The following TTL variants were observed in gnomAD, a reference collection of about 807,000 sequenced individuals.
TTL encodes the protein tubulin tyrosine ligase, also known as tubulin--tyrosine ligase.
Under a neutral mutation model 41.1 loss-of-function variants are expected in TTL, and 10 were observed. The observed-to-expected ratio is 0.24, with a 90% CI of 0.15 to 0.41. The LOEUF is 0.41. Ranked by LOEUF, TTL falls within the 10% of genes least tolerant of loss-of-function variation. TTL has a pLI of 1.00. For synonymous variants in TTL, 175 were observed against 175.5 expected, an observed-to-expected ratio of 1.00 and a Z score of 0.02; for missense variants, 367 against 460.4, an observed-to-expected ratio of 0.80 and a Z score of 1.86.
chr2:112,516,111 T>A (rs1682062910), intron 5 of TTL, among the ~76,000 whole-genome samples: 1 of 152,242 alleles, frequency 6.6e-6, no homozygotes, highest in African/African-American at 2.4e-5. Context: ...TATGTTCAGC[T>A]TTTCCCAGTG....
rs1431237443 is a variant in TTL at position 112,520,302 on chromosome 2, A to G, written c.896A>G (p.Glu299Gly). The change falls in exon 6 of 7, where the codon GAG (glutamate) becomes GGG (glycine). Residue 299 changes from glutamate (E) to glycine (G), a missense_variant. Coordinates refer to ENST00000233336, the MANE Select transcript of TTL (RefSeq NM_153712.5). ...CATAGGAACTGCCTCCTGAGCGTGG[A>G]GCCTGCCATTAGCACCAAGCACCTC... ...HIIRNCLLSVEPAISTKHLPY... is the reference protein window; with the variant it reads ...HIIRNCLLSVGPAISTKHLPY... The G allele has an allele frequency of 1.2e-6, 2 of 1,614,000 alleles. No homozygotes were observed. Among genetic ancestry groups the G allele is most frequent in the Non-Finnish European group, 1.7e-6 (2 of 1,180,020 alleles).
At chr2:112,492,764 G>A (rs976876374) in intron 2 of TTL, among the ~76,000 whole-genome samples, 13 of 151,546 alleles carry the variant, frequency 8.6e-5, no homozygotes, top group African/African-American at 1.7e-4. Flanking sequence ...GGTCACGGGC[G>A]TCTGTAATCC....
intron 2 of TTL, among the ~76,000 whole-genome samples, chr2:112,490,241 C>A (rs1378741247): frequency 1.3e-5 from 2 of 152,070 alleles, no homozygotes; most frequent in African/African-American, 4.8e-5. Flanking sequence ...CATGGTGAAA[C>A]CCTGCCTCTT....
At chr2:112,520,146 A>G (rs1682181763) in intron 5 of TTL, 136 bp from the exon 6 acceptor site, 1 of 1,107,880 alleles carries the variant, frequency 9.0e-7, no homozygotes. Flanking sequence ...AAAAAAAAAA[A>G]AAAAGGAAAC....
rs554251679 is a variant in TTL, at chr2:112,502,925, G to A, written c.619G>A (p.Val207Met). ...GTTGAATTGCAGAAGCTGGGTCTTG[G>A]TGGATCATCAGTATAATATCTACCT... is the stretch of plus-strand genomic sequence containing the variant. ...RKFDIRSWVL[V>M]DHQYNIYLYR... The change falls in exon 5 of 7, where the codon GTG becomes ATG. Residue 207 changes from valine (V) to methionine (M), a missense_variant. Val to Met is a conservative substitution (Grantham distance 21, BLOSUM62 1). Transcript: ENST00000233336. The A allele has an allele frequency of 6.2e-7, 1 of 1,606,800 alleles. No homozygotes were observed. The highest frequency in any genetic ancestry group is 1.3e-5 in the African/African-American group (1 of 74,774).
chr2:112,519,507 T>C (rs1168857334), intron 5 of TTL, among the ~76,000 whole-genome samples: 2 of 152,062 alleles, frequency 1.3e-5, no homozygotes, highest in Non-Finnish European at 2.9e-5. Context: ...TTAGCAATAA[T>C]TTGCCATTGG....
rs148113756 is a variant in TTL at position 112,509,923 on chromosome 2, C to T, written c.875+6742C>T. On this transcript the variant is annotated intron_variant, in intron 5 of 6. Coordinates refer to ENST00000233336, the MANE Select transcript of TTL (RefSeq NM_153712.5). ...TGCTGGGATTACAGGCGTAAGCCACCATGCCTGGCTAATTTATATTTTCCC... is the reference window on the plus strand; with the variant it reads ...TGCTGGGATTACAGGCGTAAGCCACTATGCCTGGCTAATTTATATTTTCCC... Among the ~76,000 whole-genome samples the T allele has an allele frequency of 6.3e-3, 961 of 152,282 alleles. 6 individuals are homozygous for T. The highest frequency in any genetic ancestry group is 0.022 in the African/African-American group (917 of 41,566).
In TTL at chr2:112,529,069, C is replaced by G; in HGVS notation, c.*274C>G. ...CTTTGTGAGCAGAGCTCCTTCCCCTCTCCCCGGGAACGGCAGGGCACTGGG... is the reference window on the plus strand; with the variant it reads ...CTTTGTGAGCAGAGCTCCTTCCCCTGTCCCCGGGAACGGCAGGGCACTGGG... On this transcript the variant is annotated 3_prime_UTR_variant, in exon 7 of 7. Transcript: ENST00000233336. 2.0e-6 allele frequency: 1 copy of G among 496,142 alleles called. No individual in the cohort carries two copies. Among genetic ancestry groups the G allele is most frequent in the Non-Finnish European group, 3.7e-6 (1 of 272,744 alleles). The allele number at this position is 496,142 out of a possible 1,614,324, so 30.7% of individuals were successfully genotyped here. A position where few individuals can be genotyped will look rare whatever the true frequency, so the allele number is the denominator to read the frequency against.
chr2:112,494,106 T>C (rs763117495), intron 2 of TTL, 37 bp from the exon 3 acceptor site: 12 of 1,570,090 alleles, frequency 7.6e-6, no homozygotes, highest in Admixed American at 1.7e-5. Flanking sequence ...CAAAGTGCAC[T>C]AAGAAGGGAG....
At chr2:112,523,321 G>A (rs1233848127) in intron 6 of TTL, among the ~76,000 whole-genome samples, 1 of 147,680 alleles carries the variant, frequency 6.8e-6, no homozygotes, top group Non-Finnish European at 1.5e-5. Flanking sequence ...TAACTCATCA[G>A]AAGAAACTGT....
intron 5 of TTL, among the ~76,000 whole-genome samples, chr2:112,513,878 G>A (rs1681995757): frequency 6.6e-6 from 1 of 151,940 alleles, no homozygotes; most frequent in South Asian, 2.1e-4. Flanking sequence ...AAGGCAGAAG[G>A]GACACAGGGA....
In TTL at chr2:112,482,532, C is replaced by T. The variant is rs750644733; in HGVS notation, c.157+31C>T. ...CCCCTCCCCGATTCCCGTCTGCCCT[C>T]CTCGGAGCGGCCCTGCGCGCCTCCC... On this transcript the variant is annotated intron_variant, in intron 1 of 6. Coordinates refer to ENST00000233336, the MANE Select transcript of TTL (RefSeq NM_153712.5). This position sits in a 1 kb window ranked among gnomAD's most constrained non-coding sequence, Gnocchi z 5.3. The T allele has an allele frequency of 1.1e-5, 18 of 1,570,726 alleles. No individual in the cohort carries two copies. Among genetic ancestry groups the T allele is most frequent in the African/African-American group, 4.1e-5 (3 of 72,530 alleles).
chr2:112,494,003 A>T, intron 2 of TTL, 140 bp from the exon 3 acceptor site: 1 of 657,532 alleles, frequency 1.5e-6, no homozygotes, highest in Non-Finnish European at 2.6e-6. Context: ...GTCCAGGGAG[A>T]CTAAGAGCAA....
chr2:112,530,110 C>T lies in TTL; in HGVS notation c.*1315C>T, dbSNP rs1682470791. The T allele has an allele frequency of 8.7e-6, 2 of 229,778 alleles. No homozygotes were observed. The highest frequency in any genetic ancestry group is 1.7e-5 in the Non-Finnish European group (2 of 115,904). 14.2% of individuals were successfully genotyped at this position (229,778 alleles called of 1,614,324 possible). On this transcript the variant is annotated 3_prime_UTR_variant, in exon 7 of 7. Coordinates refer to ENST00000233336, the MANE Select transcript of TTL (RefSeq NM_153712.5). ...TTGAAAACTGCCCTCCCCACCAGAA[C>T]GTGCTACGTTCTTTCTTCATGCCTA...
intron 2 of TTL, among the ~76,000 whole-genome samples, chr2:112,490,447 A>G (rs1019204662): frequency 1.3e-5 from 2 of 151,990 alleles, no homozygotes; most frequent in Non-Finnish European, 2.9e-5. Context: ...CAAAAAGCAG[A>G]CCTAACACAA....
intron 6 of TTL, chr2:112,520,634 G>T: frequency 1.7e-6 from 1 of 580,014 alleles, no homozygotes; most frequent in Non-Finnish European, 2.9e-6. Flanking sequence ...GGCCCAGTGT[G>T]GTAGCTCATG....
intron 2 of TTL, among the ~76,000 whole-genome samples, chr2:112,490,667 G>C (rs1462353006): frequency 7.0e-6 from 1 of 142,932 alleles, no homozygotes; most frequent in Non-Finnish European, 1.5e-5. Flanking sequence ...CTGCCTCCCA[G>C]TTCAAGCGAT....
intron 2 of TTL, among the ~76,000 whole-genome samples, chr2:112,490,044 C>T (rs1681337707): frequency 6.6e-6 from 1 of 152,150 alleles, no homozygotes; most frequent in Non-Finnish European, 1.5e-5. Flanking sequence ...CTTCTGTTTC[C>T]ATGAACTGGA....
In TTL at chr2:112,482,492, G is replaced by A; in HGVS notation, c.148G>A (p.Gly50Arg). The change falls in exon 1 of 7, where the codon GGG becomes AGG. Residue 50 changes from glycine (G) to arginine (R), a missense_variant. Coordinates refer to ENST00000233336, the MANE Select transcript of TTL (RefSeq NM_153712.5). The surrounding 1 kb of genome is among the most constrained non-coding windows in gnomAD (Gnocchi z 5.3). The stretch of plus-strand genomic sequence containing the variant: ...GGGAGAGAGGAATCGGCTGCCCTTC[G>A]GGAGACTGGGTGAGCCCCTCCCCGA... ...MLGERNRLPF[G>R]RLGHEPGLVQ... The A allele has an allele frequency of 6.2e-7, 1 of 1,605,316 alleles. No homozygotes were observed. The highest frequency in any genetic ancestry group is 8.5e-7 in the Non-Finnish European group (1 of 1,175,934).
Sources: gnomAD v4.1 joint callset for allele counts (sites outside exome capture counted in the v4.1 genomes callset) on GRCh38, gnomAD v4.1.1 for gene constraint, Gnocchi (gnomAD v3.1) non-coding constraint, MANE v1.5 for transcripts, NCBI Gene and HGNC (gene_info 2026-07-23, HGNC 2026-07-21) for gene names.